The following KDM2A variants were observed in gnomAD, a reference collection of about 807,000 sequenced individuals.
The protein encoded by KDM2A is lysine demethylase 2A, also known as lysine-specific demethylase 2A.
KDM2A carries 3 observed loss-of-function variants against 137.3 expected under a neutral mutation model. The observed-to-expected ratio is 0.02, with a 90% confidence interval of 0.01 to 0.06. The LOEUF is 0.06. Among genes scored for constraint, KDM2A ranks in the 10% least tolerant of loss-of-function variants. The pLI is 1.00. For synonymous variants in KDM2A, 512 were observed against 541.5 expected (o/e 0.95, Z 0.76); for missense variants, 738 against 1,510.6 (o/e 0.49, Z 8.48).
chr11:67,159,714 T>A (rs1856594105), intron 2 of KDM2A, among the ~76,000 whole-genome samples: 1 of 152,210 alleles, frequency 6.6e-6, no homozygotes, highest in South Asian at 2.1e-4. Context: ...ATTTGATAGG[T>A]ACTGGGAAGA....
At chr11:67,195,457 T>C (rs1210271138) in intron 5 of KDM2A, 2 of 152,210 alleles carry the variant, frequency 1.3e-5, no homozygotes, top group Admixed American at 6.6e-5. Flanking sequence ...ATTTTTATTT[T>C]CTTTTTAAAC....
chr11:67,240,483 C>G, intron 12 of KDM2A: 1 of 834,188 alleles, frequency 1.2e-6, no homozygotes, highest in Non-Finnish European at 1.8e-6. Flanking sequence ...CAGGACAATG[C>G]TATGTTACTT....
intron 2 of KDM2A, among the ~76,000 whole-genome samples, chr11:67,152,232 G>C (rs534272238): frequency 6.6e-6 from 1 of 151,926 alleles, no homozygotes; most frequent in Non-Finnish European, 1.5e-5. Flanking sequence ...AGGATCACTT[G>C]AGCCCAGGAG....
chr11:67,159,028 C>T (rs986084972), intron 2 of KDM2A, among the ~76,000 whole-genome samples: 3 of 152,004 alleles, frequency 2.0e-5, no homozygotes, highest in African/African-American at 7.2e-5. Flanking sequence ...CATTGAAATC[C>T]AGTTTATTAA....
chr11:67,165,275 G>A (rs1211609813), intron 2 of KDM2A, among the ~76,000 whole-genome samples: 4 of 151,912 alleles, frequency 2.6e-5, no homozygotes, highest in Non-Finnish European at 4.4e-5. Flanking sequence ...GGCATGCGCC[G>A]CCACACCTGG....
chr11:67,228,257 G>T, intron 11 of KDM2A, 94 bp downstream of exon 11: 4 of 1,365,372 alleles, frequency 2.9e-6, no homozygotes, highest in Admixed American at 2.1e-5. Context: ...ATATGTTCTT[G>T]GTTTTTTAAT....
chr11:67,120,254 G>A (rs1026420439), intron 1 of KDM2A, among the ~76,000 whole-genome samples: 4 of 152,320 alleles, frequency 2.6e-5, no homozygotes, highest in African/African-American at 9.6e-5. Flanking sequence ...GTGCAAGCAC[G>A]GTTTCCCTCC....
Position 67,134,558 on chromosome 11 carries a change from G to A in KDM2A, c.42+13200G>A, listed in dbSNP as rs953846120. Among the ~76,000 whole-genome samples, 8 of 152,274 alleles carry A rather than the reference G, an allele frequency of 5.3e-5. No individual in the cohort carries two copies. The East Asian group carries it at 1.5e-3, about 29-fold the overall frequency. On this transcript the variant is annotated intron_variant, in intron 2 of 20. Transcript: ENST00000529006. ...GTCAATCTGTTGCCGAGGCTGGAAT[G>A]TAGTGGTGCGATCTCGGCTCACTTA...
chr11:67,255,317 G>C lies in KDM2A; in HGVS notation c.*262G>C, dbSNP rs1590836212. 1.9e-6 allele frequency: 1 copy of C among 516,556 alleles called. No homozygotes were observed. The highest frequency in any genetic ancestry group is 3.6e-6 in the Non-Finnish European group (1 of 280,710). 32.0% of individuals were successfully genotyped at this position (516,556 alleles called of 1,614,324 possible). ...CACAGGCTGTGCTGTCGAGGCGCCT[G>C]CTCGCTTACTCGCCTGCCAGGAGGC... On this transcript the variant is annotated 3_prime_UTR_variant, in exon 21 of 21. Coordinates refer to ENST00000529006, the MANE Select transcript of KDM2A (RefSeq NM_012308.3).
intron 2 of KDM2A, among the ~76,000 whole-genome samples, chr11:67,146,000 T>G (rs1476302916): frequency 6.7e-6 from 1 of 149,692 alleles, no homozygotes; most frequent in Non-Finnish European, 1.5e-5. Flanking sequence ...TTTTTTTTGT[T>G]TTTTTTTTTT....
chr11:67,245,513 C>G lies in KDM2A; in HGVS notation c.1833+55C>G. 3 of 1,576,428 alleles carry G rather than the reference C, an allele frequency of 1.9e-6. No homozygotes were observed. Among genetic ancestry groups the G allele is most frequent in the Non-Finnish European group, 2.6e-6 (3 of 1,149,994 alleles). ...GGGAGGGGTGGCAGTGCCAAAGGAA[C>G]TGAAATACATATAGTGTAGAGTTAA... On this transcript the variant is annotated intron_variant, in intron 14 of 20. Transcript: ENST00000529006. The surrounding 1 kb of genome is among the most constrained non-coding windows in gnomAD (Gnocchi z 4.1).
Position 67,255,831 on chromosome 11 carries a change from T to C in KDM2A, c.*776T>C. 1 of 279,144 alleles carries C rather than the reference T, an allele frequency of 3.6e-6. No homozygotes were observed. The highest frequency in any genetic ancestry group is 3.0e-5 in the South Asian group (1 of 33,862). 17.3% of individuals were successfully genotyped at this position (279,144 alleles called of 1,614,324 possible). On this transcript the variant is annotated 3_prime_UTR_variant, in exon 21 of 21. Coordinates refer to ENST00000529006, the MANE Select transcript of KDM2A (RefSeq NM_012308.3). ...ATTTCGTTGCTACCCAAGTGGATTC[T>C]GAGACAGGCACCATCTCCTTGTTCC...
At chr11:67,203,014 A>G (rs1008314735) in intron 5 of KDM2A, among the ~76,000 whole-genome samples, 32 of 151,898 alleles carry the variant, frequency 2.1e-4, no homozygotes, top group Admixed American at 4.6e-4. Flanking sequence ...AAAAAAAAAA[A>G]AAAAGAAAAA....
chr11:67,137,235 G>T (rs1464707224), intron 2 of KDM2A, among the ~76,000 whole-genome samples: 1 of 152,204 alleles, frequency 6.6e-6, no homozygotes, highest in East Asian at 1.9e-4. Context: ...TCTTGACAAG[G>T]TAGACAGGTC....
chr11:67,139,165 A>ACACCAGTTAAC, intron 2 of KDM2A, among the ~76,000 whole-genome samples: 2 of 152,044 alleles, frequency 1.3e-5, no homozygotes, highest in Middle Eastern at 3.4e-3. Context: ...CTTCCTGGTG[A>ACACCAGTTAAC]CACCAGTTAA....
At chr11:67,160,248 G>A (rs746325675) in intron 2 of KDM2A, among the ~76,000 whole-genome samples, 1 of 152,172 alleles carries the variant, frequency 6.6e-6, no homozygotes, top group Non-Finnish European at 1.5e-5. Context: ...TGTCTTTGTA[G>A]CCTCGAGGGA....
chr11:67,185,198 A>G (rs541793488), intron 5 of KDM2A, among the ~76,000 whole-genome samples: 2 of 152,238 alleles, frequency 1.3e-5, no homozygotes, highest in Non-Finnish European at 2.9e-5. Flanking sequence ...GAAAAGTACA[A>G]TAATTAAAAT....
rs927127891 is a variant in KDM2A, at chr11:67,119,692, C to G, written c.-441C>G. ...GCTGATCGGCCGCTGCTCCCGCAGGCGACCAGCCCCTGCTGGCCGAGGGCA... is the reference window on the plus strand; with the variant it reads ...GCTGATCGGCCGCTGCTCCCGCAGGGGACCAGCCCCTGCTGGCCGAGGGCA... On this transcript the variant is annotated 5_prime_UTR_variant, in exon 1 of 21. Transcript: ENST00000529006. 6.7e-6 allele frequency: 1 copy of G among 149,500 alleles called. No homozygotes were observed. The highest frequency in any genetic ancestry group is 2.4e-5 in the African/African-American group (1 of 41,076). 9.3% of individuals were successfully genotyped at this position (149,500 alleles called of 1,614,324 possible). A position where few individuals can be genotyped will look rare whatever the true frequency, so the allele number is the denominator to read the frequency against.
intron 15 of KDM2A, among the ~76,000 whole-genome samples, chr11:67,247,063 A>ATTTTTTT (rs1212913269): frequency 1.2e-3 from 31 of 25,016 alleles, no homozygotes; most frequent in African/African-American, 5.1e-3. Flanking sequence ...ATATATATAT[A>ATTTTTTT]TATATATATT....
Sources: allele counts gnomAD v4.1 joint callset (sites outside exome capture counted in the v4.1 genomes callset), GRCh38; gene constraint gnomAD v4.1.1; non-coding constraint Gnocchi (gnomAD v3.1); transcripts MANE v1.5; gene names NCBI Gene and HGNC (gene_info 2026-07-23, HGNC 2026-07-21).